Variants in ZDHHC11 observed in about 807,000 individuals in gnomAD.
ZDHHC11 encodes the protein zDHHC palmitoyltransferase 11, also known as palmitoyltransferase ZDHHC11.
A neutral mutation model predicts 51.3 loss-of-function variants in ZDHHC11; 44 were observed. The ratio of observed to expected loss-of-function variants is 0.86; its 90% CI spans 0.67 to 1.10. The LOEUF is 1.10. ZDHHC11 is among the 50% of genes least tolerant of loss of function. ZDHHC11 has a pLI of 0.00. For missense variants in ZDHHC11, 400 were observed against 537.7 expected, an observed-to-expected ratio of 0.74 and a Z score of 2.53; for synonymous variants, 163 against 222.0, an observed-to-expected ratio of 0.73 and a Z score of 2.36.
chr5:848,468 G>A lies in ZDHHC11; in HGVS notation c.401+14C>T. 1 of 1,305,588 alleles carries A rather than the reference G, an allele frequency of 7.7e-7. No individual in the cohort carries two copies. The highest frequency in any genetic ancestry group is 1.0e-6 in the Non-Finnish European group (1 of 961,734). The allele number at this position is 1,305,588 out of a possible 1,614,324, so 80.9% of individuals were successfully genotyped here. ...CCCTGACACCTTGGGGCCTCGGCGAGGGCGGGCACTCACACGGTGACCTTG... is the reference window on the plus strand; with the variant it reads ...CCCTGACACCTTGGGGCCTCGGCGAAGGCGGGCACTCACACGGTGACCTTG... On this transcript the variant is annotated intron_variant, in intron 2 of 12. Coordinates refer to ENST00000283441, the MANE Select transcript of ZDHHC11 (RefSeq NM_024786.3).
chr5:857,087 CCA>C (rs750336710), intron 1 of ZDHHC11, among the ~76,000 whole-genome samples: 13 of 152,128 alleles, frequency 8.5e-5, no homozygotes, highest in African/African-American at 1.7e-4. Flanking sequence ...ACACACACTC[CCA>C]CACACAATTC....
At chr5:824,177 G>A (rs1284043561) in intron 8 of ZDHHC11, 10 of 430,842 alleles carry the variant, frequency 2.3e-5, no homozygotes, top group South Asian at 4.9e-5. Context: ...ACCAGCCTGC[G>A]GCCTGGCGTG....
Position 837,470 on chromosome 5 carries a change from C to G in ZDHHC11, c.795G>C (p.Lys265Asn), listed in dbSNP as rs771529074. Residue 265 changes from lysine (K) to asparagine (N), a missense_variant, in exon 6 of 13, where the codon AAG becomes AAC. Physicochemically the swap from Lys to Asn is moderately conservative, Grantham distance 94. Transcript: ENST00000283441. ...TAATGAGATACTCAAAGGTGGTCAT[C>G]TTCTTGGCCTCTGGAAAGGGAAAAG... The part of the protein sequence containing the change: ...LIFHIYLKAK[K>N]MTTFEYLINN... 1.2e-6 allele frequency: 2 copies of G among 1,608,782 alleles called. No individual in the cohort carries two copies. The highest frequency in any genetic ancestry group is 1.7e-6 in the Non-Finnish European group (2 of 1,175,830).
In ZDHHC11 at chr5:807,330, T is replaced by C. The variant is rs191932933; in HGVS notation, c.1182-6166A>G. Among the ~76,000 whole-genome samples, 347 of 150,990 alleles carry C rather than the reference T, an allele frequency of 2.3e-3. 8 individuals are homozygous for C. Among genetic ancestry groups the C allele is most frequent in the Admixed American group, 3.6e-3 (54 of 15,190 alleles). The stretch of plus-strand genomic sequence containing the variant: ...TTAGGAATATACAACTATATCTATA[T>C]AGATATCTAAGGAACAAAATTTGAA... On this transcript the variant is annotated intron_variant, in intron 11 of 12. Transcript: ENST00000283441.
upstream of ZDHHC11, among the ~76,000 whole-genome samples, chr5:853,778 C>T (rs1275311287): frequency 2.7e-5 from 4 of 145,948 alleles, no homozygotes; most frequent in Admixed American, 1.4e-4. Context: ...GGGGGACAGA[C>T]CGCACAGAGG....
At chr5:860,335 G>C (rs73730982), upstream of ZDHHC11, among the ~76,000 whole-genome samples, 1 of 152,014 alleles carries the variant, frequency 6.6e-6, no homozygotes, top group Admixed American at 6.5e-5. The surrounding 1 kb of genome is among the most constrained non-coding windows in gnomAD (Gnocchi z 4.2). Flanking sequence ...GGAGTGGCTT[G>C]TGAGGCCTCT....
intron 9 of ZDHHC11, chr5:821,339 T>A (rs1741535819): frequency 6.6e-6 from 1 of 152,214 alleles, no homozygotes; most frequent in Non-Finnish European, 1.5e-5. Context: ...CCTAAGAAGC[T>A]GCAGGCCTGT....
At chr5:814,472 T>C (rs543036774) in intron 11 of ZDHHC11, among the ~76,000 whole-genome samples, 1 of 151,386 alleles carries the variant, frequency 6.6e-6, no homozygotes, top group African/African-American at 2.4e-5. Context: ...TTAAAAAACA[T>C]TCAGGCTGAC....
chr5:855,221 G>GC (rs1748008032), upstream of ZDHHC11, among the ~76,000 whole-genome samples: 2 of 146,960 alleles, frequency 1.4e-5, no homozygotes, highest in Non-Finnish European at 3.0e-5. Flanking sequence ...GAGCAGCGGG[G>GC]ACAGACCCCA....
At chr5:847,367 G>C (rs1746414286) in intron 3 of ZDHHC11, 147 bp downstream of exon 3, 2 of 1,205,354 alleles carry the variant, frequency 1.7e-6, no homozygotes, top group Non-Finnish European at 2.4e-6. Flanking sequence ...GGGGCACGCA[G>C]GCACCAAGCG....
chr5:854,457 C>T (rs1313062167), upstream of ZDHHC11, among the ~76,000 whole-genome samples: 3 of 148,708 alleles, frequency 2.0e-5, no homozygotes, highest in African/African-American at 7.5e-5. Context: ...AGACAGACCC[C>T]ACGGAGGACA....
chr5:840,696 G>T, intron 4 of ZDHHC11, 46 bp from the exon 5 acceptor site: 2 of 1,610,690 alleles, frequency 1.2e-6, no homozygotes, highest in Non-Finnish European at 1.7e-6. Context: ...CTGCTGACGG[G>T]TGCCACATCA....
In ZDHHC11 at chr5:844,050, G is replaced by A. The variant is rs1331082010; in HGVS notation, c.504-326C>T. ...GTGTGGGGGGCGCAGGGGTGGGGAC[G>A]CGCAGGGCATCTGGAGCCCGCAGGG... On this transcript the variant is annotated intron_variant, in intron 3 of 12. Transcript: ENST00000283441. Among the ~76,000 whole-genome samples, 236 of 151,258 alleles carry A rather than the reference G, an allele frequency of 1.6e-3. 1 individual carries two copies. The highest frequency in any genetic ancestry group is 5.6e-3 in the African/African-American group (229 of 40,754).
At chr5:854,190 GA>G (rs1446768144), upstream of ZDHHC11, among the ~76,000 whole-genome samples, 1 of 143,280 alleles carries the variant, frequency 7.0e-6, no homozygotes, top group African/African-American at 2.6e-5. Flanking sequence ...GAGCCGGGGG[GA>G]CAGACCCCAT....
upstream of ZDHHC11, among the ~76,000 whole-genome samples, chr5:851,310 T>C (rs374652574): frequency 6.9e-6 from 1 of 144,900 alleles, no homozygotes; most frequent in Non-Finnish European, 1.5e-5. Context: ...CTGAACACGC[T>C]GCGGCTGCTC....
At chr5:803,936 T>C (rs2150289479) in intron 11 of ZDHHC11, among the ~76,000 whole-genome samples, 1 of 149,484 alleles carries the variant, frequency 6.7e-6, no homozygotes, top group South Asian at 2.1e-4. Context: ...ACAATCGAAA[T>C]TATCCAGTCT....
chr5:860,187 A>G (rs1748719618), upstream of ZDHHC11, among the ~76,000 whole-genome samples: 1 of 152,154 alleles, frequency 6.6e-6, no homozygotes, highest in Non-Finnish European at 1.5e-5. This position sits in a 1 kb window ranked among gnomAD's most constrained non-coding sequence, Gnocchi z 4.2. Context: ...AGGGGCAGGG[A>G]AGCCTACCTG....
chr5:838,556 A>T (rs1744261960), intron 5 of ZDHHC11, among the ~76,000 whole-genome samples: 1 of 152,032 alleles, frequency 6.6e-6, no homozygotes. Context: ...GTAGAGAAGA[A>T]GCTCCTGGAC....
At chr5:840,900 G>A in intron 4 of ZDHHC11, 3 of 1,422,844 alleles carry the variant, frequency 2.1e-6, no homozygotes, top group Non-Finnish European at 2.8e-6. Context: ...CTAAGTGCCG[G>A]GGTCACAGTG....
Sources: allele counts gnomAD v4.1 joint callset (sites outside exome capture counted in the v4.1 genomes callset), GRCh38; gene constraint gnomAD v4.1.1; non-coding constraint Gnocchi (gnomAD v3.1); transcripts MANE v1.5; gene names NCBI Gene and HGNC (gene_info 2026-07-23, HGNC 2026-07-21).